Variants in CHL1 observed in about 807,000 individuals in gnomAD.
CHL1 encodes neural cell adhesion molecule L1-like protein.
CHL1 carries 96 observed loss-of-function variants against 141.9 expected under a neutral mutation model. That is an observed-to-expected ratio of 0.68 (90% CI 0.57 to 0.80). The LOEUF is 0.80. Ranked by LOEUF, CHL1 falls within the 30% of genes least tolerant of loss-of-function variation. The pLI, the probability that CHL1 is intolerant of heterozygous loss-of-function variation, is 0.00. For missense variants in CHL1, 1,820 were observed against 1,457.2 expected, an observed-to-expected ratio of 1.25 and a Z score of -4.05; for synonymous variants, 613 against 502.2, an observed-to-expected ratio of 1.22 and a Z score of -2.95.
chr3:336,140 T>C (rs896563199), intron 5 of CHL1, among the ~76,000 whole-genome samples: 1 of 152,142 alleles, frequency 6.6e-6, no homozygotes, highest in African/African-American at 2.4e-5. Flanking sequence ...TCAGTGTTTA[T>C]GGATAATCTG....
rs780389436 is a variant in CHL1, at chr3:398,214, G to A, written c.3095-13G>A. 3.8e-6 allele frequency: 6 copies of A among 1,566,504 alleles called. No homozygotes were observed. The highest frequency in any genetic ancestry group is 5.2e-6 in the Non-Finnish European group (6 of 1,147,796). ...ATTACAATTCACATGATTTAACTGT[G>A]TACATTTCTTAGGTAAAGGTATCGG... is the stretch of plus-strand genomic sequence containing the variant. On this transcript the variant is annotated splice_polypyrimidine_tract_variant and intron_variant, in intron 24 of 27. Transcript: ENST00000256509.
intron 12 of CHL1, 46 bp from the exon 13 acceptor site, chr3:361,653 T>A: frequency 7.5e-7 from 1 of 1,329,476 alleles, no homozygotes; most frequent in South Asian, 1.2e-5. Flanking sequence ...TTGCATATCT[T>A]TCTTCCACAA....
At chr3:281,327 A>G (rs1416479199) in intron 2 of CHL1, among the ~76,000 whole-genome samples, 1 of 152,176 alleles carries the variant, frequency 6.6e-6, no homozygotes. Context: ...CTCCAGGAGT[A>G]CAATAGAAAG....
chr3:355,145 A>G (rs530979859), intron 11 of CHL1, among the ~76,000 whole-genome samples: 198 of 152,152 alleles, frequency 1.3e-3, no homozygotes, highest in Non-Finnish European at 2.1e-3. Flanking sequence ...CAAAGTCAGG[A>G]CCTCCTTTAG....
rs536765123 is a variant in CHL1 at position 384,848 on chromosome 3, G to C, written c.2247+962G>C. 3.2e-4 allele frequency among the ~76,000 whole-genome samples: 49 copies of C among 152,212 alleles called. 1 individual carries two copies. Among genetic ancestry groups the C allele is most frequent in the African/African-American group, 1.2e-3 (48 of 41,528 alleles). ...AGAATTTTAGAATGCACAAAGTTTA[G>C]TTTGCTTTTTATCCTCATATGTTGG... On this transcript the variant is annotated intron_variant, in intron 19 of 27. Transcript: ENST00000256509.
intron 2 of CHL1, among the ~76,000 whole-genome samples, chr3:260,431 G>C (rs1164263913): frequency 1.3e-5 from 2 of 152,128 alleles, no homozygotes; most frequent in African/African-American, 4.8e-5. Context: ...TATCTATTAA[G>C]ACATAAAATT....
intron 9 of CHL1, among the ~76,000 whole-genome samples, chr3:348,830 G>A (rs1425422360): frequency 6.6e-6 from 1 of 152,158 alleles, no homozygotes; most frequent in Non-Finnish European, 1.5e-5. Context: ...CTGTTCATGG[G>A]TCTAATCGAC....
intron 15 of CHL1, among the ~76,000 whole-genome samples, chr3:371,065 A>T (rs1226139366): frequency 1.3e-5 from 2 of 152,190 alleles, no homozygotes; most frequent in Non-Finnish European, 2.9e-5. Flanking sequence ...GGTGCTGAGA[A>T]GAATGTATAT....
chr3:307,857 T>C (rs1575021872), intron 2 of CHL1, among the ~76,000 whole-genome samples: 1 of 152,216 alleles, frequency 6.6e-6, no homozygotes, highest in Non-Finnish European at 1.5e-5. Context: ...TGGGGTACAT[T>C]AAAATTCAGT....
Position 341,952 on chromosome 3 carries a change from C to G in CHL1, c.549C>G (p.Ser183Arg). Residue 183 changes from serine (S) to arginine (R), a missense_variant, in exon 7 of 28, where the codon AGC becomes AGG. Ser to Arg is a moderately radical substitution (Grantham distance 110). Transcript: ENST00000256509. Reference protein sequence around the residue: ...HIEQDERVYMSQKGDLYFANV... With the variant: ...HIEQDERVYMRQKGDLYFANV... ...AACAAGATGAAAGAGTATACATGAG[C>G]CAAAAGGGAGATCTATACTTCGCAA... is the stretch of plus-strand genomic sequence containing the variant. 1 of 1,612,542 alleles carries G rather than the reference C, an allele frequency of 6.2e-7. No individual in the cohort carries two copies. The highest frequency in any genetic ancestry group is 8.5e-7 in the Non-Finnish European group (1 of 1,179,002).
intron 1 of CHL1, among the ~76,000 whole-genome samples, chr3:233,849 T>C (rs1202351160): frequency 6.6e-6 from 1 of 152,164 alleles, no homozygotes; most frequent in African/African-American, 2.4e-5. Flanking sequence ...CCAAATTTTA[T>C]TGTTATAAAT....
At chr3:225,967 C>CCACT (rs1701300546) in intron 1 of CHL1, among the ~76,000 whole-genome samples, 1 of 151,660 alleles carries the variant, frequency 6.6e-6, no homozygotes, top group Non-Finnish European at 1.5e-5. Flanking sequence ...CGAGATAGCA[C>CCACT]CAGTGCACTT....
At chr3:222,384 A>G (rs957272482) in intron 1 of CHL1, among the ~76,000 whole-genome samples, 5 of 152,188 alleles carry the variant, frequency 3.3e-5, no homozygotes, top group African/African-American at 1.2e-4. Flanking sequence ...TGAAGCCACA[A>G]TAAGGCATGT....
At position 405,874 on chromosome 3, in the gene CHL1, A is replaced by G. The variant is rs552744443; in HGVS notation, c.*163A>G. 2.4e-4 allele frequency: 144 copies of G among 589,390 alleles called. No individual in the cohort carries two copies. The highest frequency in any genetic ancestry group is 5.2e-4 in the Admixed American group (17 of 32,804). 36.5% of individuals were successfully genotyped at this position (589,390 alleles called of 1,614,324 possible). ...GTTGAAAAGAGTAGTACTTTCTTCA[A>G]AATATAAAATGCCAAGCACTTCAGG... is the stretch of plus-strand genomic sequence containing the variant. On this transcript the variant is annotated 3_prime_UTR_variant, in exon 28 of 28. Coordinates refer to ENST00000256509, the MANE Select transcript of CHL1 (RefSeq NM_006614.4).
In CHL1 at chr3:354,586, T is replaced by C. The variant is rs546473003; in HGVS notation, c.1034-54T>C. On this transcript the variant is annotated intron_variant, in intron 10 of 27. Coordinates refer to ENST00000256509, the MANE Select transcript of CHL1 (RefSeq NM_006614.4). ...AGTAGAAATACAGGCCTTAACATTT[T>C]TGGACTTTTTGACATAGATAACATC... 3.6e-5 allele frequency: 56 copies of C among 1,560,694 alleles called. No individual in the cohort carries two copies. The East Asian group carries it at 8.8e-4, about 25-fold the overall frequency.
At chr3:391,467 G>C (rs544064671) in intron 22 of CHL1, among the ~76,000 whole-genome samples, 27 of 152,314 alleles carry the variant, frequency 1.8e-4, no homozygotes, top group African/African-American at 6.3e-4. Context: ...AATGAGCCAA[G>C]ATTGGGCTAC....
chr3:342,878 C>A lies in CHL1; in HGVS notation c.680-106C>A, dbSNP rs1254781643. 11 of 798,746 alleles carry A rather than the reference C, an allele frequency of 1.4e-5. No individual in the cohort carries two copies. The East Asian group carries it at 2.1e-4, about 15-fold the overall frequency. The allele number at this position is 798,746 out of a possible 1,614,324, so 49.5% of individuals were successfully genotyped here. On this transcript the variant is annotated intron_variant, in intron 7 of 27. Transcript: ENST00000256509. ...AATGTTCTAGTGAAGCATGGTTCTA[C>A]ATCATTTTGTAATTTTTCTAAGACA...
At chr3:366,727 G>A (rs1039549800) in intron 15 of CHL1, among the ~76,000 whole-genome samples, 1 of 150,606 alleles carries the variant, frequency 6.6e-6, no homozygotes, top group Admixed American at 6.6e-5. Context: ...CCTAGAAGAG[G>A]CTGCATACTA....
chr3:233,258 C>T (rs1490711443), intron 1 of CHL1, among the ~76,000 whole-genome samples: 1 of 152,090 alleles, frequency 6.6e-6, no homozygotes, highest in Non-Finnish European at 1.5e-5. Context: ...TTATCTATTG[C>T]TTGCCCTTAT....
Sources: allele counts gnomAD v4.1 joint callset (sites outside exome capture counted in the v4.1 genomes callset), GRCh38; gene constraint gnomAD v4.1.1; transcripts MANE v1.5; gene names NCBI Gene and HGNC (gene_info 2026-07-23, HGNC 2026-07-21).